Variants in RBMS1 observed in about 807,000 individuals in gnomAD.
The protein encoded by RBMS1 is RNA binding motif single stranded interacting protein 1.
A neutral mutation model predicts 62.3 loss-of-function variants in RBMS1; 17 were observed. The ratio of observed to expected loss-of-function variants is 0.27; its 90% CI spans 0.19 to 0.41. RBMS1 has a LOEUF of 0.41. Among genes scored for constraint, RBMS1 ranks in the 10% least tolerant of loss-of-function variants. The pLI, the probability that RBMS1 is intolerant of heterozygous loss-of-function variation, is 1.00. For synonymous variants in RBMS1, 172 were observed against 170.0 expected, an observed-to-expected ratio of 1.01 and a Z score of -0.09; for missense variants, 334 against 504.5, an observed-to-expected ratio of 0.66 and a Z score of 3.24.
intron 1 of RBMS1, among the ~76,000 whole-genome samples, chr2:160,472,453 A>G (rs1014146803): frequency 2.0e-5 from 3 of 152,182 alleles, no homozygotes; most frequent in Admixed American, 1.3e-4. Context: ...TGGCCGAGCT[A>G]TAACTATAAA....
At chr2:160,318,264 AAAG>A (rs1203224566) in intron 2 of RBMS1, 37 bp from the exon 3 acceptor site, 5 of 1,498,184 alleles carry the variant, frequency 3.3e-6, no homozygotes, top group African/African-American at 1.4e-5. Flanking sequence ...GAAAAAAAGA[AAAG>A]AAAGAAAAAG....
intron 7 of RBMS1, among the ~76,000 whole-genome samples, chr2:160,286,303 CTTTT>C (rs1221643184): frequency 8.2e-6 from 1 of 122,492 alleles, no homozygotes; most frequent in South Asian, 2.8e-4. Flanking sequence ...TTCTTCCTTT[CTTTT>C]TTTTTTTTTT....
intron 3 of RBMS1, among the ~76,000 whole-genome samples, chr2:160,315,026 A>C (rs1264440236): frequency 1.3e-5 from 2 of 152,198 alleles, no homozygotes; most frequent in African/African-American, 2.4e-5. Flanking sequence ...TTTTTCCTTC[A>C]ATTTTGCTAT....
intron 2 of RBMS1, among the ~76,000 whole-genome samples, chr2:160,349,819 C>T (rs1192768869): frequency 4.0e-5 from 5 of 125,388 alleles, no homozygotes; most frequent in Admixed American, 1.0e-4. Context: ...ATAGCACAAG[C>T]AAAGCGGGGT....
At chr2:160,419,867 G>A (rs7424771) in intron 1 of RBMS1, among the ~76,000 whole-genome samples, 67,110 of 152,044 alleles carry the variant, frequency 0.44, 15,477 homozygotes, top group East Asian at 0.84. Flanking sequence ...ATAGTACAAA[G>A]GTTACAGTAA....
intron 6 of RBMS1, 34 bp downstream of exon 6, chr2:160,300,617 A>G: frequency 6.4e-7 from 1 of 1,571,598 alleles, no homozygotes. Context: ...ATCATATAGA[A>G]GACTACTGAT....
chr2:160,455,245 AT>A, intron 1 of RBMS1, among the ~76,000 whole-genome samples: 1 of 152,216 alleles, frequency 6.6e-6, no homozygotes, highest in Non-Finnish European at 1.5e-5. Context: ...TGCTTTATAA[AT>A]GGCAATATAA....
intron 1 of RBMS1, among the ~76,000 whole-genome samples, chr2:160,446,195 T>C (rs1195725371): frequency 6.6e-6 from 1 of 152,194 alleles, no homozygotes; most frequent in Non-Finnish European, 1.5e-5. Context: ...TATGAGACTA[T>C]AAGCAGAGGC....
chr2:160,283,252 G>T (rs776680275), intron 9 of RBMS1: 1 of 152,200 alleles, frequency 6.6e-6, no homozygotes, highest in South Asian at 2.1e-4. Flanking sequence ...ACATATAAAT[G>T]ACAGAGGTTT....
intron 1 of RBMS1, among the ~76,000 whole-genome samples, chr2:160,400,361 T>A (rs1695370761): frequency 1.4e-5 from 2 of 144,626 alleles, no homozygotes; most frequent in Non-Finnish European, 3.0e-5. Flanking sequence ...TACAAACATA[T>A]ATATGAGGAA....
intron 1 of RBMS1, among the ~76,000 whole-genome samples, chr2:160,388,802 A>T (rs1456274342): frequency 6.6e-6 from 1 of 152,198 alleles, no homozygotes; most frequent in African/African-American, 2.4e-5. Context: ...GGCTCCTCTA[A>T]TTGACATGTA....
intron 12 of RBMS1, among the ~76,000 whole-genome samples, chr2:160,276,936 G>C (rs1687867076): frequency 1.3e-5 from 2 of 152,138 alleles, no homozygotes; most frequent in African/African-American, 4.8e-5. Context: ...ACCCTAATTT[G>C]TCATGATCAT....
chr2:160,429,550 C>G (rs1017127413), intron 1 of RBMS1, among the ~76,000 whole-genome samples: 1 of 152,086 alleles, frequency 6.6e-6, no homozygotes, highest in Non-Finnish European at 1.5e-5. Context: ...AACAATAAGA[C>G]TAAATCAAGA....
At chr2:160,371,621 G>A (rs946781630) in intron 1 of RBMS1, among the ~76,000 whole-genome samples, 1 of 152,180 alleles carries the variant, frequency 6.6e-6, no homozygotes, top group Non-Finnish European at 1.5e-5. Flanking sequence ...AAAGTCACTC[G>A]TGAATAAAGG....
intron 1 of RBMS1, among the ~76,000 whole-genome samples, chr2:160,411,633 G>A (rs1696041604): frequency 6.6e-6 from 1 of 152,184 alleles, no homozygotes; most frequent in African/African-American, 2.4e-5. Flanking sequence ...TGTGCTCTGG[G>A]CAAGTTTGCT....
intron 4 of RBMS1, among the ~76,000 whole-genome samples, chr2:160,304,738 C>G (rs553376869): frequency 3.9e-5 from 6 of 152,232 alleles, no homozygotes; most frequent in African/African-American, 1.2e-4. Flanking sequence ...TACTTTTGTA[C>G]AGCTGCATAA....
intron 2 of RBMS1, among the ~76,000 whole-genome samples, chr2:160,349,177 T>C (rs1246712798): frequency 6.6e-6 from 1 of 152,104 alleles, no homozygotes; most frequent in East Asian, 1.9e-4. Flanking sequence ...CTCATCTATT[T>C]ATTAGCAATT....
intron 4 of RBMS1, among the ~76,000 whole-genome samples, chr2:160,310,642 A>G (rs537464499): frequency 6.6e-6 from 1 of 152,282 alleles, no homozygotes; most frequent in African/African-American, 2.4e-5. Flanking sequence ...AAAAGCAAGG[A>G]GCTTCAGTGA....
chr2:160,451,389 G>T (rs985868063), intron 1 of RBMS1, among the ~76,000 whole-genome samples: 1 of 151,934 alleles, frequency 6.6e-6, no homozygotes, highest in Non-Finnish European at 1.5e-5. Context: ...TTTGATAAAT[G>T]AAATAAAGAA....
Sources: allele counts gnomAD v4.1 joint callset (sites outside exome capture counted in the v4.1 genomes callset), GRCh38; gene constraint gnomAD v4.1.1; transcripts MANE v1.5; gene names NCBI Gene and HGNC (gene_info 2026-07-23, HGNC 2026-07-21).